Variants in RAB27B observed in about 807,000 individuals in gnomAD.
RAB27B encodes the protein RAB27B, member RAS oncogene family, also known as ras-related protein Rab-27B.
RAB27B carries 15 observed loss-of-function variants against 24.6 expected under a neutral mutation model. That is an observed-to-expected ratio of 0.61 (90% CI 0.41 to 0.94). The LOEUF is 0.94. Among genes scored for constraint, RAB27B ranks in the 40% least tolerant of loss-of-function variants. The probability of loss-of-function intolerance (pLI) is 0.00; values close to 1 mark genes in which losing one functional copy is unlikely to be tolerated. For missense variants in RAB27B, 261 were observed against 266.8 expected, an observed-to-expected ratio of 0.98 and a Z score of 0.15; for synonymous variants, 105 against 92.5, an observed-to-expected ratio of 1.14 and a Z score of -0.78.
At chr18:54,870,738 C>A (rs1445373927) in intron 1 of RAB27B, among the ~76,000 whole-genome samples, 1 of 152,174 alleles carries the variant, frequency 6.6e-6, no homozygotes, top group Non-Finnish European at 1.5e-5. Context: ...AACTTAACAA[C>A]CTTCTGTATA....
At chr18:54,858,016 T>G (rs11152029) in intron 1 of RAB27B, among the ~76,000 whole-genome samples, 28,453 of 152,198 alleles carry the variant, frequency 0.19, 2,916 homozygotes, top group East Asian at 0.41. Flanking sequence ...TGGAAGATTT[T>G]AAAGTTTACA....
intron 1 of RAB27B, among the ~76,000 whole-genome samples, chr18:54,851,540 A>G (rs1911589527): frequency 6.6e-6 from 1 of 152,204 alleles, no homozygotes; most frequent in Non-Finnish European, 1.5e-5. Context: ...AATGAGCAGT[A>G]TTTGGGACAT....
At chr18:54,863,425 A>G (rs1457919590) in intron 1 of RAB27B, among the ~76,000 whole-genome samples, 5 of 152,194 alleles carry the variant, frequency 3.3e-5, no homozygotes, top group Admixed American at 1.3e-4. Flanking sequence ...TGCAATGCAA[A>G]CAAGCATTGT....
intron 1 of RAB27B, among the ~76,000 whole-genome samples, chr18:54,840,048 G>A (rs775061131): frequency 1.3e-5 from 2 of 152,208 alleles, no homozygotes; most frequent in Non-Finnish European, 2.9e-5. Context: ...AAATAATGAA[G>A]CTTTTTATAA....
At chr18:54,753,286 G>A (rs1206893481) in intron 2 of RAB27B, among the ~76,000 whole-genome samples, 3 of 152,200 alleles carry the variant, frequency 2.0e-5, no homozygotes, top group Non-Finnish European at 4.4e-5. Context: ...ACTCAGAGGT[G>A]AGGTTGAGTG....
intron 2 of RAB27B, among the ~76,000 whole-genome samples, chr18:54,768,135 G>A (rs553373666): frequency 1.2e-4 from 19 of 152,142 alleles, no homozygotes; most frequent in African/African-American, 2.6e-4. Context: ...ACTTGGGCTC[G>A]AATTTGTGGG....
At chr18:54,720,449 C>T (rs1406335112) in intron 2 of RAB27B, among the ~76,000 whole-genome samples, 3 of 151,962 alleles carry the variant, frequency 2.0e-5, no homozygotes, top group Non-Finnish European at 4.4e-5. Context: ...ACTTTTCCAT[C>T]CAAAAAGACA....
At chr18:54,823,895 T>A (rs563718904), upstream of RAB27B, among the ~76,000 whole-genome samples, 1 of 152,354 alleles carries the variant, frequency 6.6e-6, no homozygotes, top group African/African-American at 2.4e-5. Flanking sequence ...AAAATCAAAA[T>A]CTACAGTTCT....
chr18:54,833,061 C>T (rs12456731), intron 1 of RAB27B, among the ~76,000 whole-genome samples: 34,813 of 151,906 alleles, frequency 0.23, 4,233 homozygotes, highest in East Asian at 0.39. Context: ...AAATACTTAA[C>T]GAAGGTGTTG....
intron 2 of RAB27B, among the ~76,000 whole-genome samples, chr18:54,813,630 G>A (rs571348335): frequency 3.3e-5 from 5 of 152,328 alleles, no homozygotes; most frequent in African/African-American, 1.2e-4. Context: ...CAGAAGCCAA[G>A]TAGATGCTGG....
intron 2 of RAB27B, among the ~76,000 whole-genome samples, chr18:54,806,076 G>T (rs979114109): frequency 9.9e-4 from 151 of 152,256 alleles, no homozygotes; most frequent in African/African-American, 3.6e-3. Context: ...CATTTGATCT[G>T]CTTGCAACCC....
chr18:54,780,464 C>G (rs1246694085), intron 2 of RAB27B, among the ~76,000 whole-genome samples: 2 of 150,506 alleles, frequency 1.3e-5, no homozygotes, highest in Admixed American at 1.3e-4. Context: ...CAGCTTCCCC[C>G]TCACTGTGTC....
At chr18:54,800,056 TTAAC>T (rs1308381729) in intron 2 of RAB27B, among the ~76,000 whole-genome samples, 1 of 152,208 alleles carries the variant, frequency 6.6e-6, no homozygotes, top group Non-Finnish European at 1.5e-5. Context: ...TTTCAAAGAC[TTAAC>T]TAACTGTCCC....
chr18:54,766,269 G>C (rs1293163898), intron 2 of RAB27B, among the ~76,000 whole-genome samples: 1 of 152,100 alleles, frequency 6.6e-6, no homozygotes, highest in Non-Finnish European at 1.5e-5. Flanking sequence ...ACAGTAAATG[G>C]AGTCATTATG....
At chr18:54,785,707 G>A (rs972284316) in intron 2 of RAB27B, among the ~76,000 whole-genome samples, 7 of 152,074 alleles carry the variant, frequency 4.6e-5, no homozygotes, top group African/African-American at 1.7e-4. Context: ...AACAGTGTTA[G>A]GAACATGAAA....
At chr18:54,726,565 T>G (rs1454546571) in intron 2 of RAB27B, among the ~76,000 whole-genome samples, 1 of 151,520 alleles carries the variant, frequency 6.6e-6, no homozygotes, top group Non-Finnish European at 1.5e-5. Context: ...TGTTAGGAAG[T>G]AGATTTCTAA....
chr18:54,718,867 CA>C (rs1370878188), intron 2 of RAB27B, among the ~76,000 whole-genome samples: 2 of 152,088 alleles, frequency 1.3e-5, no homozygotes, highest in African/African-American at 4.8e-5. Context: ...GCCTTGGTGC[CA>C]ATTTTATGCA....
chr18:54,847,618 T>C (rs985480349), intron 1 of RAB27B, among the ~76,000 whole-genome samples: 1 of 152,220 alleles, frequency 6.6e-6, no homozygotes, highest in Non-Finnish European at 1.5e-5. Flanking sequence ...ATCTTACTAC[T>C]GATGTTAAAA....
At chr18:54,777,860 T>TC (rs10707747) in intron 2 of RAB27B, among the ~76,000 whole-genome samples, 3 of 150,902 alleles carry the variant, frequency 2.0e-5, no homozygotes, top group African/African-American at 7.3e-5. Context: ...GCATCCTCTC[T>TC]CCCCCCCCAC....
Sources: gnomAD v4.1 joint callset for allele counts (sites outside exome capture counted in the v4.1 genomes callset) on GRCh38, gnomAD v4.1.1 for gene constraint, MANE v1.5 for transcripts, NCBI Gene and HGNC (gene_info 2026-07-23, HGNC 2026-07-21) for gene names.